Variants in PLAGL2 observed in about 807,000 individuals in gnomAD.
PLAGL2 encodes zinc finger protein PLAGL2.
A neutral mutation model predicts 29.0 loss-of-function variants in PLAGL2; 7 were observed. The observed-to-expected ratio is 0.24, with a 90% CI of 0.14 to 0.45. The LOEUF is 0.45. Among genes scored for constraint, PLAGL2 ranks in the 20% least tolerant of loss-of-function variants. The probability of loss-of-function intolerance (pLI) is 0.99; values close to 1 mark genes in which losing one functional copy is unlikely to be tolerated. For synonymous variants in PLAGL2, 234 were observed against 266.0 expected (o/e 0.88, Z 1.17); for missense variants, 454 against 648.2 (o/e 0.70, Z 3.25).
chr20:32,201,976 T>C lies in PLAGL2; in HGVS notation c.203A>G (p.Tyr68Cys). Residue 68 changes from tyrosine (Y) to cysteine (C), a missense_variant, in exon 2 of 3, where the codon TAT becomes TGT. This residue lies in a region of PLAGL2 where 89 missense variants were observed against 90.4 expected (regional missense o/e 0.98). Coordinates refer to ENST00000246229, the MANE Select transcript of PLAGL2 (RefSeq NM_002657.3). The stretch of plus-strand genomic sequence containing the variant: ...GCCACAGTGCAGCTGAGGGCAGCTA[T>C]ATGGTCTCTGCTCTGGTTGCGGGAG... ...HSLPQPEQRP[Y>C]SCPQLHCGKA... 6.2e-7 allele frequency: 1 copy of C among 1,614,074 alleles called. No individual in the cohort carries two copies. Among genetic ancestry groups the C allele is most frequent in the Non-Finnish European group, 8.5e-7 (1 of 1,179,874 alleles).
At chr20:32,201,895 A>C in intron 2 of PLAGL2, 24 bp downstream of exon 2, 1 of 1,596,874 alleles carries the variant, frequency 6.3e-7, no homozygotes, top group Non-Finnish European at 8.6e-7. Flanking sequence ...TCAGGGCAGG[A>C]AGAGATATGA....
intron 1 of PLAGL2, among the ~76,000 whole-genome samples, chr20:32,205,875 T>G (rs1339463043): frequency 6.6e-6 from 1 of 152,150 alleles, no homozygotes; most frequent in East Asian, 1.9e-4. Flanking sequence ...AGTTGAGAGA[T>G]AACACCCCTG....
In PLAGL2 at chr20:32,192,672, A is replaced by G. The variant is rs2047206770; in HGVS notation, c.*3780T>C. The G allele has an allele frequency of 6.5e-6, 1 of 152,686 alleles. No individual in the cohort carries two copies. The highest frequency in any genetic ancestry group is 2.4e-5 in the African/African-American group (1 of 41,464). 9.5% of individuals were successfully genotyped at this position (152,686 alleles called of 1,614,324 possible). A position where few individuals can be genotyped will look rare whatever the true frequency, so the allele number is the denominator to read the frequency against. On this transcript the variant is annotated 3_prime_UTR_variant, in exon 3 of 3. Transcript: ENST00000246229. ...AAAACCTTGTTTTATATAAAGCCAA[A>G]AATACTCCAAGAGGTTATTCACTGT...
In PLAGL2 at chr20:32,197,533, T is replaced by C. The variant is rs753461571; in HGVS notation, c.410A>G (p.Asn137Ser). ...GTGGCGCCGGTAGCCCAGCTTCGTA[T>C]TGTAATTCTTACCGCACTCAGAGCA... Reference protein sequence around the residue: ...LHCSECGKNYNTKLGYRRHLA... With the variant: ...LHCSECGKNYSTKLGYRRHLA... Residue 137 changes from asparagine (N) to serine (S), a missense_variant, in exon 3 of 3, where the codon AAT (asparagine) becomes AGT (serine). Asn to Ser is a conservative substitution (Grantham distance 46). Around this residue, in one of 4 missense-constraint regions of PLAGL2, gnomAD observed 111 missense variants for 173.1 expected, o/e 0.64. Transcript: ENST00000246229. The surrounding 1 kb of genome is among the most constrained non-coding windows in gnomAD (Gnocchi z 6.6). 6.2e-7 allele frequency: 1 copy of C among 1,614,230 alleles called. No homozygotes were observed. The highest frequency in any genetic ancestry group is 8.5e-7 in the Non-Finnish European group (1 of 1,180,042).
chr20:32,203,621 G>GCT (rs1365264423), intron 1 of PLAGL2, among the ~76,000 whole-genome samples: 1 of 152,178 alleles, frequency 6.6e-6, no homozygotes, highest in African/African-American at 2.4e-5. Context: ...ATCTGGGGAG[G>GCT]GCTCCAACTG....
In PLAGL2 at chr20:32,196,391, C is replaced by G; in HGVS notation, c.*61G>C. On this transcript the variant is annotated 3_prime_UTR_variant, in exon 3 of 3. Coordinates refer to ENST00000246229, the MANE Select transcript of PLAGL2 (RefSeq NM_002657.3). Reference sequence around the variant, plus strand: ...CAGCTGCCTTCATGGGGGACACAGACGGGGTGGGTACTAAGGCTCCATAAC... The same window carrying G: ...CAGCTGCCTTCATGGGGGACACAGAGGGGGTGGGTACTAAGGCTCCATAAC... 4.0e-6 allele frequency: 5 copies of G among 1,237,206 alleles called. No individual in the cohort carries two copies. The highest frequency in any genetic ancestry group is 4.3e-6 in the Non-Finnish European group (4 of 939,360). The allele number at this position is 1,237,206 out of a possible 1,614,324, so 76.6% of individuals were successfully genotyped here.
intron 1 of PLAGL2, among the ~76,000 whole-genome samples, chr20:32,207,067 G>A (rs1257086719): frequency 6.6e-6 from 1 of 152,188 alleles, no homozygotes; most frequent in Non-Finnish European, 1.5e-5. Flanking sequence ...GATGGAAGAT[G>A]TCGAAAGCCT....
Position 32,202,288 on chromosome 20 carries a change from T to G in PLAGL2, c.-110A>C. The G allele has an allele frequency of 9.1e-6, 10 of 1,096,934 alleles. No individual in the cohort carries two copies. The highest frequency in any genetic ancestry group is 1.3e-5 in the Non-Finnish European group (10 of 754,092). The allele number at this position is 1,096,934 out of a possible 1,614,324, so 68.0% of individuals were successfully genotyped here. A position where few individuals can be genotyped will look rare whatever the true frequency, so the allele number is the denominator to read the frequency against. On this transcript the variant is annotated 5_prime_UTR_variant, in exon 2 of 3. Transcript: ENST00000246229. The stretch of plus-strand genomic sequence containing the variant: ...AACGCAGCTTTCAGAAAACAATCTC[T>G]TCACCTGAAACATCAGAACACCTGG...
chr20:32,197,892 T>C lies in PLAGL2; in HGVS notation c.261-210A>G, dbSNP rs1020115613. On this transcript the variant is annotated intron_variant, in intron 2 of 2. Coordinates refer to ENST00000246229, the MANE Select transcript of PLAGL2 (RefSeq NM_002657.3). This position sits in a 1 kb window ranked among gnomAD's most constrained non-coding sequence, Gnocchi z 6.6. ...CCGACATTCTTTGCAGCATTGCTTG[T>C]AGTAGCAAAAAAAATCAGAAACAAT... is the stretch of plus-strand genomic sequence containing the variant. 6.6e-6 allele frequency among the ~76,000 whole-genome samples: 1 copy of C among 152,162 alleles called. No homozygotes were observed. Among genetic ancestry groups the C allele is most frequent in the African/African-American group, 2.4e-5 (1 of 41,426 alleles).
At chr20:32,204,647 T>C (rs2047276687) in intron 1 of PLAGL2, among the ~76,000 whole-genome samples, 2 of 152,196 alleles carry the variant, frequency 1.3e-5, no homozygotes, top group Admixed American at 1.3e-4. Flanking sequence ...CTGCTAGTGT[T>C]ACCTAGGAAC....
rs1394602205 is a variant in PLAGL2 at position 32,197,283 on chromosome 20, C to A, written c.660G>T (p.Leu220=). 1 of 1,612,618 alleles carries A rather than the reference C, an allele frequency of 6.2e-7. No individual in the cohort carries two copies. The highest frequency in any genetic ancestry group is 8.5e-7 in the Non-Finnish European group (1 of 1,179,298). The change falls in exon 3 of 3, where the codon CTG becomes CTT. Residue 220 remains leucine (L), a synonymous_variant. Coordinates refer to ENST00000246229, the MANE Select transcript of PLAGL2 (RefSeq NM_002657.3). This position sits in a 1 kb window ranked among gnomAD's most constrained non-coding sequence, Gnocchi z 6.6. ...CAAACCGCTGGGCACAGTACTGGCA[C>A]AGGAAGTCCTTACGGCCTGTGTGCA... ...LVVHTGRKDF[L]CQYCAQRFGR...
rs144249504 is a variant in PLAGL2 at position 32,197,547 on chromosome 20, G to A, written c.396C>T (p.Cys132=). The change falls in exon 3 of 3, where the codon TGC becomes TGT. Residue 132 remains cysteine (C), a synonymous_variant. Coordinates refer to ENST00000246229, the MANE Select transcript of PLAGL2 (RefSeq NM_002657.3). This position sits in a 1 kb window ranked among gnomAD's most constrained non-coding sequence, Gnocchi z 6.6. Reference sequence around the variant, plus strand: ...CCAGCTTCGTATTGTAATTCTTACCGCACTCAGAGCAGTGGAGGGCCTCTT... The same window carrying A: ...CCAGCTTCGTATTGTAATTCTTACCACACTCAGAGCAGTGGAGGGCCTCTT... ...PNKEALHCSE[C]GKNYNTKLGY... is the part of the protein sequence containing the mutation. 394 of 1,614,208 alleles carry A rather than the reference G, an allele frequency of 2.4e-4. No homozygotes were observed. In the African/African-American group the frequency reaches 3.3e-3, roughly 14 times the overall value.
rs1414488003 is a variant in PLAGL2 at position 32,192,582 on chromosome 20, G to A, written c.*3870C>T. ...TGAAAATGTAATTCTGTAAAACATT[G>A]AAAAATCTACTTTAACAAAGATATG... On this transcript the variant is annotated 3_prime_UTR_variant, in exon 3 of 3. Transcript: ENST00000246229. 1 of 152,556 alleles carries A rather than the reference G, an allele frequency of 6.6e-6. No individual in the cohort carries two copies. Among genetic ancestry groups the A allele is most frequent in the Non-Finnish European group, 1.5e-5 (1 of 68,034 alleles). 9.5% of individuals were successfully genotyped at this position (152,556 alleles called of 1,614,324 possible).
At chr20:32,198,398 T>C (rs1398828257) in intron 2 of PLAGL2, among the ~76,000 whole-genome samples, 1 of 152,170 alleles carries the variant, frequency 6.6e-6, no homozygotes, top group East Asian at 1.9e-4. Flanking sequence ...CACAGCACTA[T>C]GGGAGGGTGA....
chr20:32,197,688 G>A lies in PLAGL2; in HGVS notation c.261-6C>T. ...CTGAGTGGGTGGCCATGTGCCTGGG[G>A]GTAGAGACAGGGGATAGGGGAGAAA... On this transcript the variant is annotated splice_region_variant and splice_polypyrimidine_tract_variant and intron_variant, in intron 2 of 2. Coordinates refer to ENST00000246229, the MANE Select transcript of PLAGL2 (RefSeq NM_002657.3). The surrounding 1 kb of genome is among the most constrained non-coding windows in gnomAD (Gnocchi z 6.6). 6.2e-7 allele frequency: 1 copy of A among 1,611,366 alleles called. No individual in the cohort carries two copies. Among genetic ancestry groups the A allele is most frequent in the Non-Finnish European group, 8.5e-7 (1 of 1,177,876 alleles).
intron 1 of PLAGL2, among the ~76,000 whole-genome samples, chr20:32,205,686 T>C (rs766735128): frequency 4.6e-5 from 7 of 152,186 alleles, no homozygotes; most frequent in African/African-American, 7.2e-5. Context: ...CTAAAAATAC[T>C]TACCTCACAG....
Position 32,195,473 on chromosome 20 carries a change from G to C in PLAGL2, c.*979C>G, listed in dbSNP as rs2047222899. On this transcript the variant is annotated 3_prime_UTR_variant, in exon 3 of 3. Transcript: ENST00000246229. ...TCATTTCTTCCCCTCTCCAGTTCAA[G>C]AGAAGGATGAGGGGGTCATAATGTA... The C allele has an allele frequency of 6.5e-6, 1 of 152,678 alleles. No homozygotes were observed. The highest frequency in any genetic ancestry group is 6.5e-5 in the Admixed American group (1 of 15,278). The allele number at this position is 152,678 out of a possible 1,614,324, so 9.5% of individuals were successfully genotyped here.
rs2047232500 is a variant in PLAGL2, at chr20:32,196,942, G to C, written c.1001C>G (p.Ser334Cys). 7 of 1,614,264 alleles carry C rather than the reference G, an allele frequency of 4.3e-6. No individual in the cohort carries two copies. The highest frequency in any genetic ancestry group is 5.1e-6 in the Non-Finnish European group (6 of 1,180,042). Residue 334 changes from serine to cysteine, a missense_variant, in exon 3 of 3, where the codon TCC becomes TGC. Coordinates refer to ENST00000246229, the MANE Select transcript of PLAGL2 (RefSeq NM_002657.3). ...SYPLESSPIS[S>C]PAQLPPKYQL... ...GTATTTTGGAGGGAGCTGAGCTGGG[G>C]AAGAGATAGGTGAGGATTCCAGAGG...
rs1320094650 is a variant in PLAGL2, at chr20:32,194,072, C to T, written c.*2380G>A. The T allele has an allele frequency of 2.6e-5, 4 of 152,660 alleles. No individual in the cohort carries two copies. The highest frequency in any genetic ancestry group is 1.3e-4 in the Admixed American group (2 of 15,288). 9.5% of individuals were successfully genotyped at this position (152,660 alleles called of 1,614,324 possible). On this transcript the variant is annotated 3_prime_UTR_variant, in exon 3 of 3. Transcript: ENST00000246229. ...GCCAGTCCTATGACTTTTCCAGCAT[C>T]ACTTACGGGGAGAGAGAATTCGAGG...
Sources: allele counts gnomAD v4.1 joint callset (sites outside exome capture counted in the v4.1 genomes callset), GRCh38; gene constraint gnomAD v4.1.1; regional missense constraint gnomAD v4.1.1; non-coding constraint Gnocchi (gnomAD v3.1); transcripts MANE v1.5; gene names NCBI Gene and HGNC (gene_info 2026-07-23, HGNC 2026-07-21).